Variants in ZNF429 observed in about 807,000 individuals in gnomAD.
ZNF429 encodes the protein zinc finger protein 429.
ZNF429 carries 53 observed loss-of-function variants against 56.8 expected under a neutral mutation model. That is an observed-to-expected ratio of 0.93 (90% CI 0.75 to 1.17). The LOEUF (loss-of-function observed/expected upper bound fraction) is 1.17, where lower values mean the gene tolerates loss of function less well. Ranked by LOEUF, ZNF429 falls within the 50% of genes most tolerant of loss-of-function variation. The pLI, the probability that ZNF429 is intolerant of heterozygous loss-of-function variation, is 0.00. For missense variants in ZNF429, 849 were observed against 788.4 expected (o/e 1.08, Z -0.92); for synonymous variants, 278 against 264.7 (o/e 1.05, Z -0.49).
intron 1 of ZNF429, among the ~76,000 whole-genome samples, chr19:21,510,735 C>T (rs2032413932): frequency 6.6e-6 from 1 of 151,438 alleles, no homozygotes; most frequent in South Asian, 2.1e-4. Context: ...TGGCCTTCCG[C>T]AGTGTTTGTG....
At position 21,537,067 on chromosome 19, in the gene ZNF429, G is replaced by A; in HGVS notation, c.1014G>A (p.Glu338=). 1.9e-6 allele frequency: 3 copies of A among 1,614,010 alleles called. No individual in the cohort carries two copies. Among genetic ancestry groups the A allele is most frequent in the Non-Finnish European group, 2.5e-6 (3 of 1,179,932 alleles). ...GCCATAAGAGAATACATACTGGTGAGAAACCCTACAAATGTGAAGAATGTG... is the reference window on the plus strand; with the variant it reads ...GCCATAAGAGAATACATACTGGTGAAAAACCCTACAAATGTGAAGAATGTG... The part of the protein sequence containing the change: ...LTSHKRIHTG[E]KPYKCEECGK... The change falls in exon 4 of 4, where the codon GAG becomes GAA. Residue 338 remains glutamate (E), a synonymous_variant. Transcript: ENST00000358491.
intron 2 of ZNF429, among the ~76,000 whole-genome samples, chr19:21,530,144 T>C: frequency 1.4e-5 from 2 of 143,700 alleles, no homozygotes; most frequent in African/African-American, 5.2e-5. Flanking sequence ...TGAGCGGAGA[T>C]AGCACCACTG....
intron 1 of ZNF429, among the ~76,000 whole-genome samples, chr19:21,513,802 T>C (rs2032611377): frequency 1.3e-5 from 2 of 152,276 alleles, no homozygotes; most frequent in South Asian, 4.1e-4. Context: ...CGATCTCTGA[T>C]GACAGACTCC....
intron 1 of ZNF429, among the ~76,000 whole-genome samples, chr19:21,515,365 G>C (rs1004533518): frequency 1.3e-5 from 2 of 150,804 alleles, no homozygotes; most frequent in South Asian, 4.2e-4. Flanking sequence ...CTCATCAAAT[G>C]CTTGTTAGCC....
At chr19:21,524,426 G>C (rs2033092792) in intron 1 of ZNF429, among the ~76,000 whole-genome samples, 1 of 152,090 alleles carries the variant, frequency 6.6e-6, no homozygotes, top group South Asian at 2.1e-4. Flanking sequence ...TGTTCAGGAG[G>C]CTAAGGCAGG....
Position 21,505,644 on chromosome 19 carries a change from C to T in ZNF429, c.-128C>T. ...GCGGGGCGTTTGGCTCTTGCTGCAG[C>T]CAGAGCTCCAGGTCTCGTCTTCATT... On this transcript the variant is annotated 5_prime_UTR_variant, in exon 1 of 4. Coordinates refer to ENST00000358491, the MANE Select transcript of ZNF429 (RefSeq NM_001001415.4). 5.1e-6 allele frequency: 5 copies of T among 989,244 alleles called. No individual in the cohort carries two copies. The highest frequency in any genetic ancestry group is 1.6e-5 in the South Asian group (1 of 60,770). The allele number at this position is 989,244 out of a possible 1,614,324, so 61.3% of individuals were successfully genotyped here.
intron 1 of ZNF429, among the ~76,000 whole-genome samples, chr19:21,518,063 C>T (rs1423259412): frequency 1.5e-5 from 1 of 66,596 alleles, no homozygotes; most frequent in Non-Finnish European, 3.2e-5. Context: ...GCTGGGATTA[C>T]AGGCATTGTC....
chr19:21,511,397 C>G (rs945845757), intron 1 of ZNF429, among the ~76,000 whole-genome samples: 2 of 151,472 alleles, frequency 1.3e-5, no homozygotes, highest in Non-Finnish European at 1.5e-5. Context: ...ACCTCCCAGA[C>G]AGGGTCACGG....
intron 1 of ZNF429, among the ~76,000 whole-genome samples, chr19:21,512,505 A>T (rs911425477): frequency 2.6e-5 from 4 of 151,906 alleles, no homozygotes; most frequent in Admixed American, 6.6e-5. Flanking sequence ...ACTAAAAAAA[A>T]ATATAAAAAT....
At chr19:21,507,535 G>C (rs1391437946) in intron 1 of ZNF429, 1 of 152,192 alleles carries the variant, frequency 6.6e-6, no homozygotes, top group Admixed American at 6.5e-5. Flanking sequence ...GAGATTTTAT[G>C]AGAATGTTTT....
At chr19:21,515,139 C>T (rs914070269) in intron 1 of ZNF429, among the ~76,000 whole-genome samples, 2 of 151,538 alleles carry the variant, frequency 1.3e-5, no homozygotes, top group African/African-American at 2.4e-5. Flanking sequence ...CAGGGTTTCT[C>T]CATGTTGGCC....
At chr19:21,512,218 T>G (rs182249752) in intron 1 of ZNF429, among the ~76,000 whole-genome samples, 1 of 152,182 alleles carries the variant, frequency 6.6e-6, no homozygotes, top group Non-Finnish European at 1.5e-5. Context: ...TAAACTGTTA[T>G]GGCACTGATG....
In ZNF429 at chr19:21,511,057, G is replaced by T. The variant is rs573855018; in HGVS notation, c.3+5283G>T. ...TCCCCCTTTTCTATTCCACAAAACC[G>T]CCATTGTCATCATGACCCGTTCTCA... is the stretch of plus-strand genomic sequence containing the variant. On this transcript the variant is annotated intron_variant, in intron 1 of 3. Coordinates refer to ENST00000358491, the MANE Select transcript of ZNF429 (RefSeq NM_001001415.4). Among the ~76,000 whole-genome samples, 3 of 152,110 alleles carry T rather than the reference G, an allele frequency of 2.0e-5. No individual in the cohort carries two copies. The South Asian group carries it at 6.2e-4, about 32-fold the overall frequency.
At position 21,510,725 on chromosome 19, in the gene ZNF429, T is replaced by C. The variant is rs559748807; in HGVS notation, c.3+4951T>C. Among the ~76,000 whole-genome samples, 235 of 151,554 alleles carry C rather than the reference T, an allele frequency of 1.6e-3. 2 individuals carry two copies. Among genetic ancestry groups the C allele is most frequent in the African/African-American group, 5.1e-3 (210 of 41,296 alleles). ...TGGTTTTCCTAGGCAGAGGACCCTG[T>C]GGCCTTCCGCAGTGTTTGTGTCCCT... On this transcript the variant is annotated intron_variant, in intron 1 of 3. Transcript: ENST00000358491.
At chr19:21,531,979 T>C in intron 3 of ZNF429, among the ~76,000 whole-genome samples, 1 of 150,072 alleles carries the variant, frequency 6.7e-6, no homozygotes, top group East Asian at 1.9e-4. Flanking sequence ...GTATAAGTTA[T>C]GGTTCCATAC....
At chr19:21,524,925 C>T (rs538493109) in intron 1 of ZNF429, among the ~76,000 whole-genome samples, 1 of 152,110 alleles carries the variant, frequency 6.6e-6, no homozygotes, top group East Asian at 1.9e-4. Context: ...GGGTAAAAGA[C>T]GAGGAGGAGG....
chr19:21,536,952 T>C lies in ZNF429; in HGVS notation c.899T>C (p.Phe300Ser), dbSNP rs1422511608. 1.2e-6 allele frequency: 2 copies of C among 1,612,234 alleles called. No homozygotes were observed. The highest frequency in any genetic ancestry group is 1.7e-6 in the Non-Finnish European group (2 of 1,179,128). ...AAAACCTTTAGCATATCCTCAACCT[T>C]TACTAAACATAAGATAATTCATACT... Reference protein sequence around the residue: ...CGKTFSISSTFTKHKIIHTEE... With the variant: ...CGKTFSISSTSTKHKIIHTEE... Residue 300 changes from phenylalanine to serine, a missense_variant, in exon 4 of 4, where the codon TTT becomes TCT. Physicochemically the swap from Phe to Ser is radical, Grantham distance 155 (BLOSUM62 -2). Transcript: ENST00000358491.
At chr19:21,530,530 C>T in intron 2 of ZNF429, 59 bp from the exon 3 acceptor site, 5 of 1,265,518 alleles carry the variant, frequency 4.0e-6, no homozygotes, top group Non-Finnish European at 5.5e-6. Context: ...GAGCACATTA[C>T]TAAATTGGTA....
chr19:21,523,824 G>A (rs555107218), intron 1 of ZNF429, among the ~76,000 whole-genome samples: 1 of 152,128 alleles, frequency 6.6e-6, no homozygotes, highest in Admixed American at 6.5e-5. Flanking sequence ...ATAATCTAGA[G>A]TGTGCCAGAG....
Sources: allele counts gnomAD v4.1 joint callset (sites outside exome capture counted in the v4.1 genomes callset), GRCh38; gene constraint gnomAD v4.1.1; transcripts MANE v1.5; gene names NCBI Gene and HGNC (gene_info 2026-07-23, HGNC 2026-07-21).